KHDRBS2: variants seen among roughly 807,000 people sequenced by gnomAD.
KHDRBS2 encodes KH RNA binding domain containing, signal transduction associated 2, also known as KH domain-containing, RNA-binding, signal transduction-associated protein 2.
In KHDRBS2, 26 loss-of-function variants were observed where a neutral mutation model predicts 44.3. The observed-to-expected ratio is 0.59, with a 90% confidence interval of 0.43 to 0.81. KHDRBS2 has a LOEUF of 0.81. Ranked by LOEUF, KHDRBS2 falls within the 40% of genes least tolerant of loss-of-function variation. The probability of loss-of-function intolerance (pLI) is 0.00; values close to 1 mark genes in which losing one functional copy is unlikely to be tolerated. For synonymous variants in KHDRBS2, 194 were observed against 151.1 expected (o/e 1.28, Z -2.08); for missense variants, 476 against 433.1 (o/e 1.10, Z -0.88).
rs141502463 is a variant in KHDRBS2, at chr6:61,942,673, T to C, written c.483+35393A>G. On this transcript the variant is annotated intron_variant, in intron 4 of 8. Coordinates refer to ENST00000281156, the MANE Select transcript of KHDRBS2 (RefSeq NM_152688.4). The stretch of plus-strand genomic sequence containing the variant: ...AAAACCTATTTAACAAAATAATACA[T>C]GAAGCATTTCCAAGTCTAGCGAGAA... Among the ~76,000 whole-genome samples the C allele has an allele frequency of 4.2e-3, 641 of 152,188 alleles. 5 individuals are homozygous for C. Among genetic ancestry groups the C allele is most frequent in the African/African-American group, 0.015 (615 of 41,542 alleles).
chr6:61,719,856 C>A (rs1234201458), intron 7 of KHDRBS2, among the ~76,000 whole-genome samples: 1 of 151,834 alleles, frequency 6.6e-6, no homozygotes, highest in African/African-American at 2.4e-5. Flanking sequence ...TATACATGTG[C>A]CATGTTGGTG....
At chr6:62,137,827 ACATT>A (rs930740634) in intron 2 of KHDRBS2, among the ~76,000 whole-genome samples, 50 of 152,312 alleles carry the variant, frequency 3.3e-4, no homozygotes, top group African/African-American at 1.2e-3. Flanking sequence ...GAGTTTTCAT[ACATT>A]ATTTAAAATA....
At chr6:62,273,722 C>G (rs1840458540) in intron 1 of KHDRBS2, among the ~76,000 whole-genome samples, 1 of 152,062 alleles carries the variant, frequency 6.6e-6, no homozygotes, top group African/African-American at 2.4e-5. Context: ...CATCTTTCTC[C>G]AGACCCAACT....
chr6:62,121,923 G>C (rs1436190460), intron 2 of KHDRBS2, among the ~76,000 whole-genome samples: 2 of 152,132 alleles, frequency 1.3e-5, no homozygotes, highest in Admixed American at 6.5e-5. Flanking sequence ...TGCCTTCTAA[G>C]GCGAAGGATA....
intron 7 of KHDRBS2, among the ~76,000 whole-genome samples, chr6:61,723,628 C>T (rs1773070712): frequency 6.6e-6 from 1 of 150,938 alleles, no homozygotes; most frequent in Non-Finnish European, 1.5e-5. Context: ...TAGAGAGGAA[C>T]ATAACTGACC....
intron 3 of KHDRBS2, among the ~76,000 whole-genome samples, chr6:62,033,922 T>C (rs1784793640): frequency 2.0e-5 from 3 of 151,396 alleles, no homozygotes; most frequent in Non-Finnish European, 3.0e-5. Context: ...CATTTATATA[T>C]TTAGAAAGAG....
At chr6:62,158,454 A>C (rs1816922444) in intron 2 of KHDRBS2, among the ~76,000 whole-genome samples, 2 of 152,160 alleles carry the variant, frequency 1.3e-5, no homozygotes, top group African/African-American at 4.8e-5. Flanking sequence ...GGTCATAGTT[A>C]AACGATAGTG....
At chr6:62,070,120 C>T (rs1172900370) in intron 2 of KHDRBS2, among the ~76,000 whole-genome samples, 2 of 151,702 alleles carry the variant, frequency 1.3e-5, no homozygotes, top group Non-Finnish European at 2.9e-5. Context: ...AATTGATCTA[C>T]AGAAGTTAAA....
the KHDRBS2 span, among the ~76,000 whole-genome samples, chr6:61,639,934 A>ATAATATG: frequency 6.6e-6 from 1 of 152,098 alleles, no homozygotes; most frequent in African/African-American, 2.4e-5. Flanking sequence ...TAATCAAACC[A>ATAATATG]TAATATGTAC....
chr6:61,597,957 A>G, the KHDRBS2 span, among the ~76,000 whole-genome samples: 1 of 146,926 alleles, frequency 6.8e-6, no homozygotes, highest in Admixed American at 6.8e-5. Context: ...AATTAAGCTG[A>G]CTTTTGACTC....
intron 7 of KHDRBS2, among the ~76,000 whole-genome samples, chr6:61,701,794 C>T (rs1406071591): frequency 3.9e-5 from 6 of 151,936 alleles, no homozygotes; most frequent in African/African-American, 1.4e-4. Context: ...TATGTGTTTT[C>T]TTCTGTTTTT....
chr6:62,231,278 A>C (rs1324761382), intron 1 of KHDRBS2, among the ~76,000 whole-genome samples: 1 of 152,196 alleles, frequency 6.6e-6, no homozygotes, highest in Non-Finnish European at 1.5e-5. Context: ...TTGACTAACA[A>C]TTCTGCATGG....
the KHDRBS2 span, among the ~76,000 whole-genome samples, chr6:61,644,024 T>TG: frequency 2.0e-5 from 3 of 152,112 alleles, no homozygotes; most frequent in African/African-American, 7.2e-5. Context: ...AGAACAAAGC[T>TG]GGGGGCATCA....
the KHDRBS2 span, among the ~76,000 whole-genome samples, chr6:61,620,882 C>T: frequency 2.6e-5 from 4 of 152,198 alleles, no homozygotes; most frequent in African/African-American, 9.7e-5. Context: ...CCCATTCTTC[C>T]TTCCTTGCCT....
At chr6:61,884,379 C>A (rs1051714333) in intron 6 of KHDRBS2, among the ~76,000 whole-genome samples, 1 of 152,044 alleles carries the variant, frequency 6.6e-6, no homozygotes, top group East Asian at 1.9e-4. Flanking sequence ...TATATCTCTT[C>A]TTGCTTTGTT....
chr6:61,692,255 G>A (rs1767454083), intron 8 of KHDRBS2, among the ~76,000 whole-genome samples: 1 of 151,866 alleles, frequency 6.6e-6, no homozygotes, highest in Non-Finnish European at 1.5e-5. Context: ...AAACTGATTT[G>A]GAATTCCTGT....
intron 1 of KHDRBS2, among the ~76,000 whole-genome samples, chr6:62,197,222 T>C (rs1164976468): frequency 2.0e-5 from 3 of 152,146 alleles, no homozygotes; most frequent in Non-Finnish European, 1.5e-5. Flanking sequence ...AACAGTCTTA[T>C]GTAGTCCCTA....
At chr6:61,897,203 T>C (rs1180768006) in intron 5 of KHDRBS2, among the ~76,000 whole-genome samples, 1 of 152,134 alleles carries the variant, frequency 6.6e-6, no homozygotes, top group Non-Finnish European at 1.5e-5. Flanking sequence ...TTCCAGGCCA[T>C]ACCCTAGGCC....
intron 6 of KHDRBS2, among the ~76,000 whole-genome samples, chr6:61,770,650 G>T (rs1226062284): frequency 1.3e-5 from 2 of 152,134 alleles, no homozygotes; most frequent in Non-Finnish European, 1.5e-5. Context: ...AGAATAAAAA[G>T]AAATGAACAA....
Sources: allele counts gnomAD v4.1 joint callset (sites outside exome capture counted in the v4.1 genomes callset), GRCh38; gene constraint gnomAD v4.1.1; transcripts MANE v1.5; gene names NCBI Gene and HGNC (gene_info 2026-07-23, HGNC 2026-07-21).